The following LRRC15 variants were observed in gnomAD, a reference collection of about 807,000 sequenced individuals.
LRRC15 encodes leucine-rich repeat-containing protein 15.
In LRRC15, 5 loss-of-function variants were observed where a neutral mutation model predicts 4.3. The observed-to-expected ratio is 1.16, with a 90% CI of 0.61 to 2.44. LRRC15 has a LOEUF of 2.44. Among genes scored for constraint, LRRC15 ranks in the 30% most tolerant of loss-of-function variants. The pLI is 0.01. For missense variants in LRRC15, 769 were observed against 747.0 expected (o/e 1.03, Z -0.34); for synonymous variants, 337 against 323.2 (o/e 1.04, Z -0.46).
chr3:194,363,558 A>C, intron 1 of LRRC15: 1 of 431,848 alleles, frequency 2.3e-6, no homozygotes. Context: ...AACGATAACA[A>C]AGGAAGGAGG....
In LRRC15 at chr3:194,357,256, C is replaced by T. The variant is rs1039195163; in HGVS notation, c.*2042G>A. 1 of 151,496 alleles carries T rather than the reference C, an allele frequency of 6.6e-6. No individual in the cohort carries two copies. Among genetic ancestry groups the T allele is most frequent in the Non-Finnish European group, 1.5e-5 (1 of 67,922 alleles). The allele number at this position is 151,496 out of a possible 1,614,324, so 9.4% of individuals were successfully genotyped here. On this transcript the variant is annotated 3_prime_UTR_variant, in exon 2 of 2. Transcript: ENST00000347624. ...TGTGGAGCGGGGAGCTAATAAGAGC[C>T]GATCGGGATTGGTGGTAGATTTCCA...
At chr3:194,368,607 C>G (rs1350402223) in intron 1 of LRRC15, among the ~76,000 whole-genome samples, 4 of 152,086 alleles carry the variant, frequency 2.6e-5, no homozygotes. Context: ...CTGAGAGCTG[C>G]CCAAGGTAAA....
At chr3:194,364,534 T>C (rs1206511165) in intron 1 of LRRC15, among the ~76,000 whole-genome samples, 1 of 152,100 alleles carries the variant, frequency 6.6e-6, no homozygotes, top group Non-Finnish European at 1.5e-5. Flanking sequence ...CAGTGTAGGA[T>C]GAGGCACCCT....
rs1474852815 is a variant in LRRC15, at chr3:194,359,821, A to G, written c.1223T>C (p.Ile408Thr). ...ACACAGTTTCCCCAGGTGATCGAAG[A>G]TGCCGAGGGGCAAGTTCTCCAGCTG... ...NNQLENLPLG[I>T]FDHLGKLCEL... Residue 408 changes from isoleucine (I) to threonine (T), a missense_variant, in exon 2 of 2, where the codon ATC (isoleucine) becomes ACC (threonine). Ile to Thr is a moderately conservative substitution (Grantham distance 89). Transcript: ENST00000347624. 4 of 1,614,084 alleles carry G rather than the reference A, an allele frequency of 2.5e-6. No homozygotes were observed. The highest frequency in any genetic ancestry group is 2.2e-5 in the East Asian group (1 of 44,884).
rs746132021 is a variant in LRRC15 at position 194,361,031 on chromosome 3, G to T, written c.13C>A (p.His5Asn). The change falls in exon 2 of 2, where the codon CAT (histidine) becomes AAT (asparagine). Residue 5 changes from histidine to asparagine, a missense_variant. Physicochemically the swap from His to Asn is moderately conservative, Grantham distance 68. Transcript: ENST00000347624. Reference sequence around the variant, plus strand: ...CAGCCCACCAGCAAAAGGAGATAATGCTTCAGTGGCATAGCCTGTGCAAGG... The same window carrying T: ...CAGCCCACCAGCAAAAGGAGATAATTCTTCAGTGGCATAGCCTGTGCAAGG... The part of the protein sequence containing the change: MPLK[H>N]YLLLLVGCQA... 2.1e-5 allele frequency: 32 copies of T among 1,513,230 alleles called. No homozygotes were observed. Among genetic ancestry groups the T allele is most frequent in the Non-Finnish European group, 2.8e-5 (32 of 1,137,718 alleles). 93.7% of individuals were successfully genotyped at this position (1,513,230 alleles called of 1,614,324 possible). A position where few individuals can be genotyped will look rare whatever the true frequency, so the allele number is the denominator to read the frequency against.
chr3:194,366,715 A>G (rs1713790518), intron 1 of LRRC15, among the ~76,000 whole-genome samples: 2 of 152,146 alleles, frequency 1.3e-5, no homozygotes, highest in Non-Finnish European at 2.9e-5. Flanking sequence ...ACCTGGCAAT[A>G]GAAGCTGCTT....
In LRRC15 at chr3:194,360,554, T is replaced by C. The variant is rs751297194; in HGVS notation, c.490A>G (p.Ile164Val). 5.6e-6 allele frequency: 9 copies of C among 1,614,022 alleles called. No homozygotes were observed. The highest frequency in any genetic ancestry group is 6.8e-6 in the Non-Finnish European group (8 of 1,180,008). Residue 164 changes from isoleucine to valine, a missense_variant, in exon 2 of 2, where the codon ATC becomes GTC. Ile to Val is a conservative substitution (Grantham distance 29). Transcript: ENST00000347624. ...LQLHGNHLEY[I>V]PDGAFDHLVG... ...AGGTGGTCGAAGGCTCCGTCAGGGA[T>C]GTATTCCAGGTGGTTGCCGTGCAAC...
At chr3:194,363,909 T>TA (rs1402978128) in intron 1 of LRRC15, among the ~76,000 whole-genome samples, 1 of 152,206 alleles carries the variant, frequency 6.6e-6, no homozygotes, top group Non-Finnish European at 1.5e-5. Context: ...GTGAGGAGTC[T>TA]ACAATCACTT....
intron 1 of LRRC15, among the ~76,000 whole-genome samples, chr3:194,361,911 G>GC (rs1459671805): frequency 2.0e-5 from 3 of 152,212 alleles, no homozygotes; most frequent in African/African-American, 7.2e-5. Context: ...GGGAGAGGCT[G>GC]CTGTGGCTTA....
intron 1 of LRRC15, 130 bp from the exon 2 acceptor site, chr3:194,361,176 C>G: frequency 1.4e-6 from 1 of 721,402 alleles, no homozygotes; most frequent in Non-Finnish European, 2.2e-6. Context: ...TGAACACATG[C>G]TCTCTCTGCT....
intron 1 of LRRC15, among the ~76,000 whole-genome samples, chr3:194,365,559 A>T (rs73889809): frequency 0.022 from 3,359 of 152,228 alleles, 112 homozygotes; most frequent in African/African-American, 0.077. Flanking sequence ...GAGCTTAGGG[A>T]AATTCTCCAG....
Position 194,360,218 on chromosome 3 carries a change from G to A in LRRC15, c.826C>T (p.Leu276Phe), listed in dbSNP as rs770171545. The change falls in exon 2 of 2, where the codon CTC becomes TTC. Residue 276 changes from leucine (L) to phenylalanine (F), a missense_variant. Physicochemically the swap from Leu to Phe is conservative, Grantham distance 22. Coordinates refer to ENST00000347624, the MANE Select transcript of LRRC15 (RefSeq NM_130830.5). Reference protein sequence around the residue: ...MQLPQLNRLTLFGNSLKELSP... With the variant: ...MQLPQLNRLTFFGNSLKELSP... The stretch of plus-strand genomic sequence containing the variant: ...AGCTCCTTCAGGGAATTCCCAAAGA[G>A]AGTAAGACGGTTGAGCTGGGGCAGC... The A allele has an allele frequency of 6.2e-7, 1 of 1,613,848 alleles. No homozygotes were observed. Among genetic ancestry groups the A allele is most frequent in the Non-Finnish European group, 8.5e-7 (1 of 1,179,766 alleles).
rs1713518714 is a variant in LRRC15, at chr3:194,359,125, C to T, written c.*173G>A. Reference sequence around the variant, plus strand: ...CTGATTGTAGGAAGGTCCGGCACGACCTGCTTCTCTACGGGAGAATCAGGC... The same window carrying T: ...CTGATTGTAGGAAGGTCCGGCACGATCTGCTTCTCTACGGGAGAATCAGGC... On this transcript the variant is annotated 3_prime_UTR_variant, in exon 2 of 2. Transcript: ENST00000347624. 1 of 599,040 alleles carries T rather than the reference C, an allele frequency of 1.7e-6. No individual in the cohort carries two copies. Among genetic ancestry groups the T allele is most frequent in the Middle Eastern group, 4.5e-4 (1 of 2,240 alleles). The allele number at this position is 599,040 out of a possible 1,614,324, so 37.1% of individuals were successfully genotyped here.
chr3:194,363,300 A>G, intron 1 of LRRC15: 1 of 683,348 alleles, frequency 1.5e-6, no homozygotes, highest in Non-Finnish European at 2.7e-6. Flanking sequence ...ATACTTTTAC[A>G]TTAAGAACTT....
In LRRC15 at chr3:194,360,333, G is replaced by C. The variant is rs773892994; in HGVS notation, c.711C>G (p.Ser237=). 25 of 1,614,012 alleles carry C rather than the reference G, an allele frequency of 1.5e-5. No homozygotes were observed. The highest frequency in any genetic ancestry group is 1.3e-5 in the Non-Finnish European group (15 of 1,180,026). ...TGTGGTTGTTGTGGAAGAGACCAGG[G>C]GAGAGCAGTCCAATCTGGTTCTGCT... ...ALQQNQIGLL[S]PGLFHNNHNL... Residue 237 remains serine (S), a synonymous_variant, in exon 2 of 2, where the codon TCC becomes TCG. Transcript: ENST00000347624.
At chr3:194,366,157 C>T (rs529222609) in intron 1 of LRRC15, among the ~76,000 whole-genome samples, 11 of 152,344 alleles carry the variant, frequency 7.2e-5, no homozygotes, top group Admixed American at 7.2e-4. Context: ...AGAGGCTTGG[C>T]CTGAAGCTCG....
intron 1 of LRRC15, among the ~76,000 whole-genome samples, chr3:194,367,360 T>C (rs1237136748): frequency 6.6e-6 from 1 of 152,150 alleles, no homozygotes; most frequent in African/African-American, 2.4e-5. Flanking sequence ...CAGACTGATG[T>C]GCAGTGGTGT....
At chr3:194,365,901 G>T (rs1483087284) in intron 1 of LRRC15, among the ~76,000 whole-genome samples, 1 of 152,200 alleles carries the variant, frequency 6.6e-6, no homozygotes, top group African/African-American at 2.4e-5. Context: ...TTCTGGTCCT[G>T]CCCACTCCCA....
chr3:194,368,578 G>A (rs991616621), intron 1 of LRRC15, among the ~76,000 whole-genome samples: 9 of 152,122 alleles, frequency 5.9e-5, no homozygotes, highest in Non-Finnish European at 1.3e-4. Context: ...AAATTAAGGA[G>A]CCAGTGGCAG....
Sources: allele counts gnomAD v4.1 joint callset (sites outside exome capture counted in the v4.1 genomes callset), GRCh38; gene constraint gnomAD v4.1.1; transcripts MANE v1.5; gene names NCBI Gene and HGNC (gene_info 2026-07-23, HGNC 2026-07-21).